The following SNX29 variants were observed in gnomAD, a reference collection of about 807,000 sequenced individuals.
SNX29 encodes the protein sorting nexin-29.
In SNX29, 78 loss-of-function variants were observed where a neutral mutation model predicts 102.1. The ratio of observed to expected loss-of-function variants is 0.76; its 90% CI spans 0.64 to 0.92. The LOEUF (loss-of-function observed/expected upper bound fraction) is 0.92, where lower values mean the gene tolerates loss of function less well. Ranked by LOEUF, SNX29 falls within the 40% of genes least tolerant of loss-of-function variation. The probability of loss-of-function intolerance (pLI) is 0.00; values close to 1 mark genes in which losing one functional copy is unlikely to be tolerated. For synonymous variants in SNX29, 580 were observed against 414.5 expected (o/e 1.40, Z -4.85); for missense variants, 1,280 against 1,061.7 (o/e 1.21, Z -2.86).
chr16:12,121,346 G>A (rs2141345649), intron 11 of SNX29, among the ~76,000 whole-genome samples: 1 of 152,364 alleles, frequency 6.6e-6, no homozygotes. Context: ...GAACCCCATA[G>A]GGGCTCCCCC....
intron 14 of SNX29, among the ~76,000 whole-genome samples, chr16:12,212,849 C>G (rs113795952): frequency 6.6e-6 from 1 of 152,182 alleles, no homozygotes; most frequent in East Asian, 1.9e-4. Context: ...CGCTGTGGCT[C>G]ATGCCGGTAA....
chr16:12,547,109 G>T (rs900495178), intron 20 of SNX29, among the ~76,000 whole-genome samples: 2 of 152,198 alleles, frequency 1.3e-5, no homozygotes, highest in Non-Finnish European at 2.9e-5. Flanking sequence ...CCAGTGAAAA[G>T]ACAGGAAATG....
intron 13 of SNX29, among the ~76,000 whole-genome samples, chr16:12,150,537 G>A (rs947559631): frequency 1.3e-5 from 2 of 152,224 alleles, no homozygotes; most frequent in Admixed American, 6.5e-5. Flanking sequence ...TCATTGAGGA[G>A]CAGACCTTTT....
intron 14 of SNX29, among the ~76,000 whole-genome samples, chr16:12,207,939 CTTTT>C (rs1195070265): frequency 6.6e-6 from 1 of 152,060 alleles, no homozygotes; most frequent in African/African-American, 2.4e-5. Context: ...GTTTTTTCTT[CTTTT>C]ATTAATCAAG....
rs543443917 is a variant in SNX29 at position 12,170,863 on chromosome 16, C to T, written c.1596-28738C>T. ...TGAGTGTATGAGGAGTGTCTGTGCG[C>T]GCGCGCGTGCTGTTTACAGGGCCTC... On this transcript the variant is annotated intron_variant, in intron 13 of 20. Transcript: ENST00000566228. Among the ~76,000 whole-genome samples, 41 of 151,716 alleles carry T rather than the reference C, an allele frequency of 2.7e-4. No homozygotes were observed. In the South Asian group the frequency reaches 4.4e-3, roughly 16 times the overall value.
At chr16:12,399,622 G>A (rs192146093) in intron 17 of SNX29, among the ~76,000 whole-genome samples, 1 of 152,190 alleles carries the variant, frequency 6.6e-6, no homozygotes, top group East Asian at 1.9e-4. Context: ...TAATTTGTGA[G>A]GCGAAGGTCC....
intron 15 of SNX29, among the ~76,000 whole-genome samples, chr16:12,280,182 A>G (rs749695346): frequency 8.5e-5 from 13 of 152,236 alleles, no homozygotes; most frequent in Non-Finnish European, 1.5e-4. Context: ...AGAAACAGCA[A>G]GAACAGAGGC....
intron 11 of SNX29, chr16:12,090,218 G>A: frequency 6.5e-6 from 1 of 152,686 alleles, no homozygotes. Flanking sequence ...GGCGTCTCAG[G>A]GGTGTTCTGA....
At chr16:12,559,899 A>T (rs1659045294) in intron 20 of SNX29, among the ~76,000 whole-genome samples, 2 of 152,320 alleles carry the variant, frequency 1.3e-5, no homozygotes, top group South Asian at 4.1e-4. Flanking sequence ...GAATGGCATG[A>T]ATGCAGGAGG....
At chr16:12,058,048 G>C (rs1260128691) in intron 8 of SNX29, among the ~76,000 whole-genome samples, 5 of 152,016 alleles carry the variant, frequency 3.3e-5, no homozygotes, top group African/African-American at 1.2e-4. Context: ...CAAAACTCCT[G>C]ACCTCAGGTG....
chr16:12,242,042 A>G (rs1306136088), intron 14 of SNX29, among the ~76,000 whole-genome samples: 1 of 152,082 alleles, frequency 6.6e-6, no homozygotes, highest in Non-Finnish European at 1.5e-5. Context: ...CCCAAGTCAC[A>G]TGCCACTCCT....
intron 19 of SNX29, among the ~76,000 whole-genome samples, chr16:12,520,736 G>T (rs1309475411): frequency 6.6e-6 from 1 of 151,906 alleles, no homozygotes; most frequent in East Asian, 1.9e-4. Context: ...TTATAAGCGG[G>T]AGCGAAGCTA....
chr16:12,432,290 A>G (rs180721061), intron 18 of SNX29, among the ~76,000 whole-genome samples: 2 of 152,276 alleles, frequency 1.3e-5, no homozygotes, highest in Admixed American at 1.3e-4. Context: ...CTTGTATTCT[A>G]AGACTTGACC....
At chr16:12,273,819 G>A (rs1596714607) in intron 14 of SNX29, among the ~76,000 whole-genome samples, 1 of 152,178 alleles carries the variant, frequency 6.6e-6, no homozygotes, top group African/African-American at 2.4e-5. Context: ...GACATTTCGT[G>A]TACGTGGGCT....
chr16:12,157,821 C>T lies in SNX29; in HGVS notation c.1595+28063C>T, dbSNP rs560134954. On this transcript the variant is annotated intron_variant, in intron 13 of 20. Coordinates refer to ENST00000566228, the MANE Select transcript of SNX29 (RefSeq NM_032167.5). ...TGTGCAGGGCCATTCTCTGAAAGCC[C>T]TTTGTGCCTCTGGGCCTTTGCATGT... Among the ~76,000 whole-genome samples, 478 of 152,228 alleles carry T rather than the reference C, an allele frequency of 3.1e-3. 4 individuals are homozygous for T. The highest frequency in any genetic ancestry group is 0.011 in the African/African-American group (438 of 41,540).
rs369015533 is a variant in SNX29, at chr16:12,063,366, C to CTTTTTTTTTTTTTTTTTTTTTTTTTT, written c.1243+1721_1243+1746dup. Among the ~76,000 whole-genome samples, 27 of 55,394 alleles carry CTTTTTTTTTTTTTTTTTTTTTTTTTT rather than the reference C, an allele frequency of 4.9e-4. 6 individuals are homozygous for CTTTTTTTTTTTTTTTTTTTTTTTTTT. The highest frequency in any genetic ancestry group is 1.1e-3 in the Admixed American group (4 of 3,584). The allele number at this position is 55,394 out of a possible 152,430, so 36.3% of individuals were successfully genotyped here. On this transcript the variant is annotated intron_variant, in intron 9 of 20. Transcript: ENST00000566228. ...CCCACCTCTTCTTTTCCTAGTCCAT[C>CTTTTTTTTTTTTTTTTTTTTTTTTTT]TTTTTTTTTTTTTTTTTTTTTTTTT...
chr16:12,279,838 AGG>A (rs1159694951), intron 15 of SNX29, among the ~76,000 whole-genome samples: 1 of 152,210 alleles, frequency 6.6e-6, no homozygotes, highest in Non-Finnish European at 1.5e-5. Context: ...AGAAGGTGAA[AGG>A]GTTCTCAGAA....
intron 19 of SNX29, among the ~76,000 whole-genome samples, chr16:12,509,280 G>T (rs967669354): frequency 1.3e-5 from 2 of 152,216 alleles, no homozygotes; most frequent in African/African-American, 4.8e-5. Context: ...GTGATCACAA[G>T]GGAAGGGCAC....
chr16:12,295,095 C>G (rs760476161), intron 15 of SNX29, among the ~76,000 whole-genome samples: 6 of 152,142 alleles, frequency 3.9e-5, no homozygotes, highest in African/African-American at 1.4e-4. Context: ...GGAAACTGCC[C>G]CAGTGATTCA....
Sources: gnomAD v4.1 joint callset for allele counts (sites outside exome capture counted in the v4.1 genomes callset) on GRCh38, gnomAD v4.1.1 for gene constraint, MANE v1.5 for transcripts, NCBI Gene and HGNC (gene_info 2026-07-23, HGNC 2026-07-21) for gene names.